Variants in GRIK3 observed in about 807,000 individuals in gnomAD.
GRIK3 encodes glutamate ionotropic receptor kainate type subunit 3.
GRIK3 carries 29 observed loss-of-function variants against 102.5 expected under a neutral mutation model. The ratio of observed to expected loss-of-function variants is 0.28; its 90% CI spans 0.21 to 0.39. GRIK3 has a LOEUF of 0.39. Among genes scored for constraint, GRIK3 ranks in the 10% least tolerant of loss-of-function variants. The probability of loss-of-function intolerance (pLI) is 1.00; values close to 1 mark genes in which losing one functional copy is unlikely to be tolerated. For synonymous variants in GRIK3, 511 were observed against 504.9 expected (o/e 1.01, Z -0.16); for missense variants, 908 against 1,252.4 (o/e 0.73, Z 4.15).
chr1:37,013,212 G>A (rs1468982383), intron 1 of GRIK3, among the ~76,000 whole-genome samples: 2 of 152,168 alleles, frequency 1.3e-5, no homozygotes, highest in African/African-American at 4.8e-5. Flanking sequence ...ACAGTATGGG[G>A]GAAACTGCTC....
At position 36,876,861 on chromosome 1, in the gene GRIK3, T is replaced by C. The variant is rs1420560346; in HGVS notation, c.550+3773A>G. Among the ~76,000 whole-genome samples the C allele has an allele frequency of 2.6e-5, 4 of 152,312 alleles. No homozygotes were observed. The East Asian group carries it at 7.7e-4, about 29-fold the overall frequency. ...ACTCACTGACCCATTGACTCCCCTA[T>C]GTTTTAAATATTTGTTGAACTGAAT... On this transcript the variant is annotated intron_variant, in intron 3 of 15. Transcript: ENST00000373091.
intron 1 of GRIK3, among the ~76,000 whole-genome samples, chr1:36,957,363 G>GCA (rs1641923856): frequency 7.5e-6 from 1 of 133,444 alleles, no homozygotes; most frequent in Non-Finnish European, 1.7e-5. Flanking sequence ...TGCCCCCTGA[G>GCA]TCTGTGCCCT....
intron 1 of GRIK3, among the ~76,000 whole-genome samples, chr1:36,900,028 A>G (rs573650806): frequency 1.3e-5 from 2 of 152,336 alleles, no homozygotes; most frequent in Admixed American, 1.3e-4. Flanking sequence ...GTTAAACTCA[A>G]CAACAGCCTC....
intron 1 of GRIK3, among the ~76,000 whole-genome samples, chr1:37,007,882 G>A (rs1642548999): frequency 2.0e-5 from 3 of 152,322 alleles, no homozygotes; most frequent in Middle Eastern, 3.4e-3. Context: ...AGTGGGAGGT[G>A]GAAGTGGGGG....
intron 9 of GRIK3, among the ~76,000 whole-genome samples, chr1:36,843,334 C>T (rs1353767848): frequency 6.6e-6 from 1 of 152,208 alleles, no homozygotes; most frequent in African/African-American, 2.4e-5. Flanking sequence ...GAAAATTCAA[C>T]ACAATTGAGT....
chr1:36,872,220 T>C lies in GRIK3; in HGVS notation c.700A>G (p.Ser234Gly), dbSNP rs1479452850. ...GREFRIIFDC[S>G]HTMAAQILKQ... The stretch of plus-strand genomic sequence containing the variant: ...AGGATCTGGGCCGCCATAGTGTGGC[T>C]GCAGTCGAAGATAATGCGGAATTCC... The change falls in exon 4 of 16, where the codon AGC becomes GGC. Residue 234 changes from serine to glycine, a missense_variant. Transcript: ENST00000373091. The surrounding 1 kb of genome is among the most constrained non-coding windows in gnomAD (Gnocchi z 5.9). The C allele has an allele frequency of 1.2e-6, 2 of 1,608,736 alleles. No homozygotes were observed. Among genetic ancestry groups the C allele is most frequent in the African/African-American group, 2.7e-5 (2 of 74,940 alleles).
In GRIK3 at chr1:36,941,990, G is replaced by A. The variant is rs115034459; in HGVS notation, c.116-50894C>T. Among the ~76,000 whole-genome samples the A allele has an allele frequency of 7.0e-3, 1,065 of 152,262 alleles. 13 individuals carry two copies. The highest frequency in any genetic ancestry group is 0.024 in the African/African-American group (1,001 of 41,542). On this transcript the variant is annotated intron_variant, in intron 1 of 15. Coordinates refer to ENST00000373091, the MANE Select transcript of GRIK3 (RefSeq NM_000831.4). ...GCTAACTGCAGGCCATGGCACTATC[G>A]TTAGAGAAATTCATCTGTTTATTCA...
rs771565367 is a variant in GRIK3, at chr1:36,798,895, T to C, written c.*2956A>G. 2.0e-5 allele frequency: 3 copies of C among 152,262 alleles called. No homozygotes were observed. The highest frequency in any genetic ancestry group is 2.9e-5 in the Non-Finnish European group (2 of 68,048). The allele number at this position is 152,262 out of a possible 1,614,324, so 9.4% of individuals were successfully genotyped here. A position where few individuals can be genotyped will look rare whatever the true frequency, so the allele number is the denominator to read the frequency against. ...CTGCCTCTATTTATCCACTATTCTT[T>C]GTTCGTTTTATAAAAATTCTCACCA... On this transcript the variant is annotated 3_prime_UTR_variant, in exon 16 of 16. Coordinates refer to ENST00000373091, the MANE Select transcript of GRIK3 (RefSeq NM_000831.4).
intron 2 of GRIK3, among the ~76,000 whole-genome samples, chr1:36,890,432 C>T (rs1641101018): frequency 6.6e-6 from 1 of 151,658 alleles, no homozygotes; most frequent in Non-Finnish European, 1.5e-5. Flanking sequence ...CCACTGTACT[C>T]CAGCCTGGGC....
chr1:36,874,160 C>G (rs984331432), intron 3 of GRIK3, among the ~76,000 whole-genome samples: 8 of 152,190 alleles, frequency 5.3e-5, no homozygotes, highest in Non-Finnish European at 8.8e-5. Flanking sequence ...CTCAGATAGC[C>G]CTCTCCAAAA....
intron 1 of GRIK3, among the ~76,000 whole-genome samples, chr1:36,907,107 C>T (rs1641291842): frequency 6.6e-6 from 1 of 152,100 alleles, no homozygotes; most frequent in Non-Finnish European, 1.5e-5. Context: ...GGCTATTGGG[C>T]TGTAGTCTCT....
Position 36,800,284 on chromosome 1 carries a change from C to T in GRIK3, c.*1567G>A, listed in dbSNP as rs1642426025. ...CCAGAATCCCCAGAACCTCCCTCCC[C>T]TGTTCAAAACCTGCCCCTCCATCCT... On this transcript the variant is annotated 3_prime_UTR_variant, in exon 16 of 16. Transcript: ENST00000373091. 2 of 152,298 alleles carry T rather than the reference C, an allele frequency of 1.3e-5. No homozygotes were observed. The highest frequency in any genetic ancestry group is 4.8e-5 in the African/African-American group (2 of 41,460). The allele number at this position is 152,298 out of a possible 1,614,324, so 9.4% of individuals were successfully genotyped here. A position where few individuals can be genotyped will look rare whatever the true frequency, so the allele number is the denominator to read the frequency against.
At chr1:36,956,232 G>A (rs898862290) in intron 1 of GRIK3, among the ~76,000 whole-genome samples, 2 of 152,260 alleles carry the variant, frequency 1.3e-5, no homozygotes, top group African/African-American at 4.8e-5. Flanking sequence ...TTGGAAGACA[G>A]GGCTGAGGGT....
chr1:36,912,967 C>T (rs1371280302), intron 1 of GRIK3, among the ~76,000 whole-genome samples: 3 of 152,198 alleles, frequency 2.0e-5, no homozygotes, highest in Non-Finnish European at 4.4e-5. Flanking sequence ...TGATTATGCA[C>T]AGCCAGGAGG....
At chr1:36,943,060 T>C (rs1641744985) in intron 1 of GRIK3, among the ~76,000 whole-genome samples, 1 of 152,156 alleles carries the variant, frequency 6.6e-6, no homozygotes, top group African/African-American at 2.4e-5. Flanking sequence ...CTGCACCCCA[T>C]GACATAAGGA....
At chr1:36,818,167 A>G (rs950524312) in intron 12 of GRIK3, among the ~76,000 whole-genome samples, 9 of 152,158 alleles carry the variant, frequency 5.9e-5, no homozygotes, top group African/African-American at 1.7e-4. Context: ...TTTCAAATAC[A>G]TAACTATTTT....
Position 36,819,674 on chromosome 1 carries a change from G to A in GRIK3, c.1873+62C>T, listed in dbSNP as rs140868464. ...GGGCTGGCTCTGCTGATGCCAAAGA[G>A]GCTGAAGACCGCTTGGGGAAAGCAG... On this transcript the variant is annotated intron_variant, in intron 12 of 15. Coordinates refer to ENST00000373091, the MANE Select transcript of GRIK3 (RefSeq NM_000831.4). This position sits in a 1 kb window ranked among gnomAD's most constrained non-coding sequence, Gnocchi z 4.1. 8.5e-5 allele frequency: 74 copies of A among 874,146 alleles called. No homozygotes were observed. The East Asian group carries it at 1.7e-3, about 20-fold the overall frequency. The allele number at this position is 874,146 out of a possible 1,614,324, so 54.1% of individuals were successfully genotyped here. A position where few individuals can be genotyped will look rare whatever the true frequency, so the allele number is the denominator to read the frequency against.
At position 36,958,935 on chromosome 1, in the gene GRIK3, G is replaced by A. The variant is rs1263971979; in HGVS notation, c.116-67839C>T. Among the ~76,000 whole-genome samples the A allele has an allele frequency of 1.7e-5, 2 of 117,306 alleles. 1 individual carries two copies. The allele number at this position is 117,306 out of a possible 152,430, so 77.0% of individuals were successfully genotyped here. A position where few individuals can be genotyped will look rare whatever the true frequency, so the allele number is the denominator to read the frequency against. ...TGTGCCCCATGAGCCTGTGTGCCCT[G>A]TGAGCCTGTGTGCCCTGTGAGCCTG... is the stretch of plus-strand genomic sequence containing the variant. On this transcript the variant is annotated intron_variant, in intron 1 of 15. Transcript: ENST00000373091.
At chr1:36,881,572 C>T (rs929091799) in intron 2 of GRIK3, among the ~76,000 whole-genome samples, 4 of 152,128 alleles carry the variant, frequency 2.6e-5, no homozygotes, top group African/African-American at 4.8e-5. Flanking sequence ...ACATCACAAC[C>T]TGACCACTTC....
Sources: gnomAD v4.1 joint callset for allele counts (sites outside exome capture counted in the v4.1 genomes callset) on GRCh38, gnomAD v4.1.1 for gene constraint, Gnocchi (gnomAD v3.1) non-coding constraint, MANE v1.5 for transcripts, NCBI Gene and HGNC (gene_info 2026-07-23, HGNC 2026-07-21) for gene names.